CTNNA3: variants seen among roughly 807,000 people sequenced by gnomAD.
CTNNA3 encodes the protein catenin alpha 3, also known as catenin alpha-3.
CTNNA3 carries 76 observed loss-of-function variants against 95.7 expected under a neutral mutation model. That is an observed-to-expected ratio of 0.79 (90% confidence interval 0.66 to 0.96). The LOEUF is 0.96. CTNNA3 is among the 40% of genes least tolerant of loss of function. CTNNA3 has a pLI of 0.00. For synonymous variants in CTNNA3, 431 were observed against 374.4 expected, an observed-to-expected ratio of 1.15 and a Z score of -1.74; for missense variants, 1,191 against 1,089.8, an observed-to-expected ratio of 1.09 and a Z score of -1.31.
intron 3 of CTNNA3, among the ~76,000 whole-genome samples, chr10:67,562,670 A>G (rs957640313): frequency 7.2e-5 from 11 of 152,190 alleles, no homozygotes; most frequent in African/African-American, 2.2e-4. Flanking sequence ...AATAAAGGGT[A>G]TTCAATTAGG....
intron 7 of CTNNA3, among the ~76,000 whole-genome samples, chr10:66,841,452 T>C (rs4486514): frequency 0.081 from 12,407 of 152,242 alleles, 549 homozygotes; most frequent in South Asian, 0.1. Context: ...AAATGGATGA[T>C]TGACAATGCT....
In CTNNA3 at chr10:66,820,316, C is replaced by A. The variant is rs535326836; in HGVS notation, c.1048-44792G>T. ...AGTACAGAAAGTGGATTAGTGGCTG[C>A]TGGGGGTGAGGGTAAGAAATTGAAG... On this transcript the variant is annotated intron_variant, in intron 7 of 17. Transcript: ENST00000433211. 3.8e-3 allele frequency among the ~76,000 whole-genome samples: 574 copies of A among 151,868 alleles called. 3 individuals carry two copies. The highest frequency in any genetic ancestry group is 0.013 in the African/African-American group (537 of 41,416).
chr10:66,491,982 C>G (rs1839939518), intron 11 of CTNNA3, among the ~76,000 whole-genome samples: 1 of 152,058 alleles, frequency 6.6e-6, no homozygotes, highest in Admixed American at 6.6e-5. Context: ...GTTTCCTAAT[C>G]AATCCACCAG....
chr10:66,944,871 G>C (rs1418736109), intron 7 of CTNNA3, among the ~76,000 whole-genome samples: 1 of 152,170 alleles, frequency 6.6e-6, no homozygotes, highest in African/African-American at 2.4e-5. Context: ...TCAGTGAGCA[G>C]TAATACTTTG....
chr10:67,628,458 T>A (rs538574286), intron 2 of CTNNA3, among the ~76,000 whole-genome samples: 2 of 152,306 alleles, frequency 1.3e-5, no homozygotes, highest in Non-Finnish European at 2.9e-5. Context: ...TTGACATACT[T>A]GACAAGCTTC....
Position 66,143,375 on chromosome 10 carries a change from TAA to T in CTNNA3, c.1885-40128_1885-40127del, listed in dbSNP as rs2083714667. Among the ~76,000 whole-genome samples, 4 of 152,280 alleles carry T rather than the reference TAA, an allele frequency of 2.6e-5. No homozygotes were observed. The East Asian group carries it at 7.7e-4, about 29-fold the overall frequency. On this transcript the variant is annotated intron_variant, in intron 13 of 17. Coordinates refer to ENST00000433211, the MANE Select transcript of CTNNA3 (RefSeq NM_013266.4). ...GGGCTAACTGGTCCATAATTGTTTT[TAA>T]GTTTCTTGCTGAAAAATTGAAATAG...
intron 9 of CTNNA3, among the ~76,000 whole-genome samples, chr10:66,729,127 G>C (rs1193555003): frequency 2.0e-5 from 3 of 152,070 alleles, no homozygotes; most frequent in Non-Finnish European, 2.9e-5. Flanking sequence ...TCTTGTACCA[G>C]TGCTATAAAA....
At chr10:66,036,010 C>A (rs2133473944) in intron 15 of CTNNA3, among the ~76,000 whole-genome samples, 1 of 152,254 alleles carries the variant, frequency 6.6e-6, no homozygotes, top group African/African-American at 2.4e-5. Context: ...TCACCCCACA[C>A]CATATTTGTA....
chr10:67,512,884 C>A (rs1442228722), intron 5 of CTNNA3, among the ~76,000 whole-genome samples: 1 of 151,960 alleles, frequency 6.6e-6, no homozygotes, highest in East Asian at 1.9e-4. Context: ...ACTCGGGAAG[C>A]GGAGGCAGAA....
chr10:66,374,411 C>T (rs1417394484), intron 12 of CTNNA3, among the ~76,000 whole-genome samples: 1 of 151,970 alleles, frequency 6.6e-6, no homozygotes, highest in African/African-American at 2.4e-5. Context: ...GAAGAAAAGG[C>T]AATCATTCCA....
In CTNNA3 at chr10:66,135,549, A is replaced by G. The variant is rs143829514; in HGVS notation, c.1885-32300T>C. Among the ~76,000 whole-genome samples the G allele has an allele frequency of 3.1e-3, 477 of 152,336 alleles. 2 individuals carry two copies. Among genetic ancestry groups the G allele is most frequent in the African/African-American group, 0.011 (459 of 41,576 alleles). On this transcript the variant is annotated intron_variant, in intron 13 of 17. Coordinates refer to ENST00000433211, the MANE Select transcript of CTNNA3 (RefSeq NM_013266.4). Reference sequence around the variant, plus strand: ...CTAAAACATATAGAAAGAATAAAATAAAATCACTATTTTGCTACCAGTAAT... The same window carrying G: ...CTAAAACATATAGAAAGAATAAAATGAAATCACTATTTTGCTACCAGTAAT...
intron 7 of CTNNA3, among the ~76,000 whole-genome samples, chr10:66,965,569 T>G (rs1317318285): frequency 1.7e-4 from 18 of 102,950 alleles, no homozygotes; most frequent in African/African-American, 6.1e-4. Flanking sequence ...AAAGCTGTTT[T>G]TTTTTTTTTT....
At chr10:66,729,914 C>A (rs1374135093) in intron 9 of CTNNA3, among the ~76,000 whole-genome samples, 1 of 151,382 alleles carries the variant, frequency 6.6e-6, no homozygotes, top group Non-Finnish European at 1.5e-5. Context: ...ACCATCCTGG[C>A]TAATGCGGTG....
intron 5 of CTNNA3, among the ~76,000 whole-genome samples, chr10:67,299,143 C>T (rs1267085975): frequency 6.6e-6 from 1 of 152,026 alleles, no homozygotes; most frequent in Non-Finnish European, 1.5e-5. Flanking sequence ...ATGATCCACT[C>T]GCCTTAGTTA....
chr10:66,887,712 C>T (rs529852997), intron 7 of CTNNA3, among the ~76,000 whole-genome samples: 2 of 152,276 alleles, frequency 1.3e-5, no homozygotes, highest in East Asian at 3.9e-4. Context: ...CCCTGAATCC[C>T]TATGGGTTTA....
intron 13 of CTNNA3, among the ~76,000 whole-genome samples, chr10:66,176,918 A>G (rs1039623845): frequency 6.6e-6 from 1 of 152,090 alleles, no homozygotes; most frequent in African/African-American, 2.4e-5. Context: ...AATATTTTTA[A>G]ATCACTGAAG....
At chr10:65,940,449 T>G (rs769366074) in intron 17 of CTNNA3, among the ~76,000 whole-genome samples, 3 of 152,198 alleles carry the variant, frequency 2.0e-5, no homozygotes, top group Non-Finnish European at 4.4e-5. Context: ...TTTATATTAA[T>G]GGCCACTATT....
At chr10:66,547,262 A>G (rs1340268934) in intron 10 of CTNNA3, among the ~76,000 whole-genome samples, 1 of 151,962 alleles carries the variant, frequency 6.6e-6, no homozygotes, top group Non-Finnish European at 1.5e-5. Context: ...AGAAAATAAA[A>G]TATTGGATAG....
At chr10:67,014,042 G>A (rs1852503860) in intron 7 of CTNNA3, among the ~76,000 whole-genome samples, 1 of 152,122 alleles carries the variant, frequency 6.6e-6, no homozygotes, top group South Asian at 2.1e-4. Flanking sequence ...AGACAAAAGG[G>A]GGAGTGTAAA....
Sources: allele counts gnomAD v4.1 joint callset (sites outside exome capture counted in the v4.1 genomes callset), GRCh38; gene constraint gnomAD v4.1.1; transcripts MANE v1.5; gene names NCBI Gene and HGNC (gene_info 2026-07-23, HGNC 2026-07-21).